MYO7A: variants seen among roughly 807,000 people sequenced by gnomAD.
MYO7A encodes the protein myosin VIIA, also known as unconventional myosin-VIIa.
MYO7A carries 210 observed loss-of-function variants against 263.8 expected under a neutral mutation model. The ratio of observed to expected loss-of-function variants is 0.80; its 90% CI spans 0.71 to 0.89. The LOEUF is 0.89. MYO7A is among the 40% of genes least tolerant of loss of function. The probability of loss-of-function intolerance (pLI) is 0.00; values close to 1 mark genes in which losing one functional copy is unlikely to be tolerated. For synonymous variants in MYO7A, 1,239 were observed against 1,197.3 expected (o/e 1.03, Z -0.72); for missense variants, 2,820 against 2,968.3 (o/e 0.95, Z 1.16).
chr11:77,153,231 G>C (rs782547457), intron 4 of MYO7A, among the ~76,000 whole-genome samples: 2 of 152,134 alleles, frequency 1.3e-5, no homozygotes, highest in Admixed American at 6.5e-5. Flanking sequence ...GCGGCATGCA[G>C]ATGGAGAGTG....
At chr11:77,160,909 G>C in intron 11 of MYO7A, 64 bp from the exon 12 acceptor site, 1 of 1,553,442 alleles carries the variant, frequency 6.4e-7, no homozygotes, top group Non-Finnish European at 8.7e-7. Flanking sequence ...GAAGGGTCCA[G>C]GAGCCTGGCC....
At chr11:77,160,752 G>A (rs550679140) in intron 11 of MYO7A, among the ~76,000 whole-genome samples, 4 of 152,260 alleles carry the variant, frequency 2.6e-5, no homozygotes, top group Admixed American at 2.0e-4. Context: ...TTCTCCAAGA[G>A]GAGCTGTTAT....
intron 20 of MYO7A, 106 bp downstream of exon 20, chr11:77,179,235 T>A: frequency 1.0e-6 from 1 of 989,480 alleles, no homozygotes; most frequent in Non-Finnish European, 1.5e-6. Flanking sequence ...CCTGGCCTCG[T>A]TGGCCTCCTG....
intron 32 of MYO7A, 71 bp from the exon 33 acceptor site, chr11:77,197,410 G>A (rs1956744443): frequency 8.1e-7 from 1 of 1,236,474 alleles, no homozygotes. Context: ...CTAGAAGGCA[G>A]CAGCAGCTGA....
chr11:77,199,459 T>G, intron 34 of MYO7A, 76 bp from the exon 35 acceptor site: 113 of 1,390,572 alleles, frequency 8.1e-5, no homozygotes, highest in Non-Finnish European at 9.8e-5. Context: ...TGACTTAGCC[T>G]GAGATGTGTC....
intron 23 of MYO7A, 21 bp downstream of exon 23, chr11:77,181,610 G>C: frequency 6.2e-7 from 1 of 1,606,416 alleles, no homozygotes; most frequent in Admixed American, 1.7e-5. Flanking sequence ...AGGGACAGGG[G>C]CTCCAGAGGC....
intron 27 of MYO7A, among the ~76,000 whole-genome samples, chr11:77,186,112 G>A (rs1177640040): frequency 4.1e-5 from 4 of 96,614 alleles, no homozygotes; most frequent in African/African-American, 1.1e-4. Flanking sequence ...TAGTAGAGAC[G>A]GGGTTTCACC....
intron 19 of MYO7A, 55 bp from the exon 20 acceptor site, chr11:77,178,990 C>T: frequency 1.4e-6 from 2 of 1,470,396 alleles, no homozygotes; most frequent in Non-Finnish European, 9.3e-7. Flanking sequence ...CCAAACCCAC[C>T]TGTACCCTGG....
chr11:77,156,018 C>G lies in MYO7A; in HGVS notation c.397C>G (p.His133Asp), dbSNP rs111033403. 1 of 1,613,960 alleles carries G rather than the reference C, an allele frequency of 6.2e-7. No homozygotes were observed. Among genetic ancestry groups the G allele is most frequent in the Non-Finnish European group, 8.5e-7 (1 of 1,179,888 alleles). Residue 133 changes from histidine (H) to aspartate (D), a missense_variant, in exon 5 of 49, where the codon CAC (histidine) becomes GAC (aspartate). By Grantham distance (81) the His-to-Asp change is moderately conservative (BLOSUM62 -1). Coordinates refer to ENST00000409709, the MANE Select transcript of MYO7A (RefSeq NM_000260.4). ...CAAGAAGATTGGGGAGATGCCCCCCCACATCTTTGCCATTGCTGACAACTG... is the reference window on the plus strand; with the variant it reads ...CAAGAAGATTGGGGAGATGCCCCCCGACATCTTTGCCATTGCTGACAACTG... ...TNKKIGEMPP[H>D]IFAIADNCYF...
chr11:77,213,450 G>A (rs988220475), intron 47 of MYO7A, among the ~76,000 whole-genome samples: 1 of 152,220 alleles, frequency 6.6e-6, no homozygotes, highest in Non-Finnish European at 1.5e-5. Context: ...TTGGCTTCAT[G>A]CATCACGCAT....
At chr11:77,202,187 G>A in intron 36 of MYO7A, 113 bp from the exon 37 acceptor site, 2 of 1,313,686 alleles carry the variant, frequency 1.5e-6, no homozygotes, top group Non-Finnish European at 2.0e-6. Context: ...GGGGCATGGG[G>A]TCCATACCCC....
chr11:77,132,186 T>C (rs1162934880), intron 2 of MYO7A, among the ~76,000 whole-genome samples: 4 of 152,022 alleles, frequency 2.6e-5, no homozygotes, highest in Admixed American at 2.0e-4. Context: ...CAGGCTTCAG[T>C]GTAGCCTCTA....
intron 35 of MYO7A, among the ~76,000 whole-genome samples, chr11:77,200,270 T>TAA (rs796169706): frequency 3.5e-5 from 5 of 142,538 alleles, no homozygotes; most frequent in Admixed American, 7.0e-5. Context: ...CCTCCTCTCT[T>TAA]AAAAAAAAAA....
chr11:77,194,072 CT>C (rs779365832), intron 31 of MYO7A: 28 of 627,960 alleles, frequency 4.5e-5, no homozygotes, highest in South Asian at 4.2e-4. Flanking sequence ...TGGCTTGTTT[CT>C]TTGCATCACT....
chr11:77,175,578 G>A (rs782466201), intron 18 of MYO7A, 114 bp downstream of exon 18: 26 of 1,009,554 alleles, frequency 2.6e-5, no homozygotes, highest in Non-Finnish European at 3.1e-5. Context: ...CCTTTCTGCC[G>A]GGCTGTGGTG....
intron 18 of MYO7A, among the ~76,000 whole-genome samples, chr11:77,175,675 CAG>C (rs1954590954): frequency 6.6e-6 from 1 of 152,164 alleles, no homozygotes; most frequent in Admixed American, 6.5e-5. Context: ...GGAGTGGGGT[CAG>C]AGCACTGACC....
chr11:77,152,974 G>C (rs782742806), intron 4 of MYO7A, among the ~76,000 whole-genome samples: 18 of 152,206 alleles, frequency 1.2e-4, no homozygotes, highest in East Asian at 7.7e-4. Flanking sequence ...GTGAGTTGAG[G>C]TTGACGAGGG....
At chr11:77,199,918 G>A in intron 35 of MYO7A, 100 bp downstream of exon 35, 1 of 1,210,198 alleles carries the variant, frequency 8.3e-7, no homozygotes, top group Non-Finnish European at 1.1e-6. Context: ...ACTGGAGGCT[G>A]GGAGATTTAT....
chr11:77,181,078 G>A (rs868951863), intron 22 of MYO7A, among the ~76,000 whole-genome samples: 1 of 152,232 alleles, frequency 6.6e-6, no homozygotes, highest in African/African-American at 2.4e-5. Context: ...GGGCAACACT[G>A]GTCTAGAGCC....
Sources: gnomAD v4.1 joint callset for allele counts (sites outside exome capture counted in the v4.1 genomes callset) on GRCh38, gnomAD v4.1.1 for gene constraint, MANE v1.5 for transcripts, NCBI Gene and HGNC (gene_info 2026-07-23, HGNC 2026-07-21) for gene names.